The following CPVL variants were observed in gnomAD, a reference collection of about 807,000 sequenced individuals.
The protein encoded by CPVL is probable serine carboxypeptidase CPVL.
A neutral mutation model predicts 63.7 loss-of-function variants in CPVL; 51 were observed. The observed-to-expected ratio is 0.80, with a 90% confidence interval of 0.64 to 1.01. The LOEUF is 1.01. Among genes scored for constraint, CPVL ranks in the 50% least tolerant of loss-of-function variants. CPVL has a pLI of 0.00. For missense variants in CPVL, 530 were observed against 573.1 expected, an observed-to-expected ratio of 0.92 and a Z score of 0.77; for synonymous variants, 195 against 206.0, an observed-to-expected ratio of 0.95 and a Z score of 0.46.
chr7:29,176,043 A>G (rs1365336492), intron 5 of CPVL, among the ~76,000 whole-genome samples: 3 of 152,000 alleles, frequency 2.0e-5, no homozygotes, highest in Admixed American at 6.6e-5. Context: ...AAAATTAGCC[A>G]GGCGTGGTGG....
rs774039534 is a variant in CPVL at position 29,117,851 on chromosome 7, G to A, written c.169+3042C>T. On this transcript the variant is annotated intron_variant, in intron 2 of 12. Transcript: ENST00000265394. ...ATACATATTTATACATACCTATTATGTATAGGTACTATGCTAGGTACTAGG... is the reference window on the plus strand; with the variant it reads ...ATACATATTTATACATACCTATTATATATAGGTACTATGCTAGGTACTAGG... 5.2e-4 allele frequency among the ~76,000 whole-genome samples: 79 copies of A among 152,176 alleles called. 1 individual carries two copies. Among genetic ancestry groups the A allele is most frequent in the Non-Finnish European group, 6.6e-4 (45 of 68,034 alleles).
chr7:29,150,449 C>T (rs932087267), upstream of CPVL, among the ~76,000 whole-genome samples: 2 of 152,126 alleles, frequency 1.3e-5, no homozygotes, highest in Non-Finnish European at 2.9e-5. Context: ...CTATCCAAGA[C>T]AACTAAATTG....
intron 1 of CPVL, chr7:29,193,679 A>G (rs1257908426): frequency 6.6e-6 from 1 of 152,238 alleles, no homozygotes; most frequent in African/African-American, 2.4e-5. Flanking sequence ...TACAGGGGGA[A>G]GGGACACACC....
chr7:29,124,024 A>G (rs2128646018), intron 1 of CPVL, among the ~76,000 whole-genome samples: 2 of 152,254 alleles, frequency 1.3e-5, no homozygotes, highest in South Asian at 4.1e-4. Context: ...GAATTAAAGC[A>G]CCGACATACT....
At chr7:29,131,030 G>C (rs752742447) in intron 1 of CPVL, among the ~76,000 whole-genome samples, 1 of 152,114 alleles carries the variant, frequency 6.6e-6, no homozygotes, top group Non-Finnish European at 1.5e-5. Flanking sequence ...ATTTTTGTTA[G>C]TTTTGCTCAA....
rs551998069 is a variant in CPVL at position 29,095,235 on chromosome 7, C to A, written c.404-93G>T. 7.4e-5 allele frequency: 74 copies of A among 1,004,600 alleles called. No individual in the cohort carries two copies. The African/African-American group carries it at 9.0e-4, about 12-fold the overall frequency. The allele number at this position is 1,004,600 out of a possible 1,614,324, so 62.2% of individuals were successfully genotyped here. On this transcript the variant is annotated intron_variant, in intron 4 of 12. Coordinates refer to ENST00000265394, the MANE Select transcript of CPVL (RefSeq NM_031311.5). Reference sequence around the variant, plus strand: ...TCAGAAGCCCAACACACCCCACGGTCCTCATGAGCTGTTGGCGTACCCTCT... The same window carrying A: ...TCAGAAGCCCAACACACCCCACGGTACTCATGAGCTGTTGGCGTACCCTCT...
At chr7:29,109,311 G>C (rs1788025421) in intron 3 of CPVL, among the ~76,000 whole-genome samples, 1 of 152,142 alleles carries the variant, frequency 6.6e-6, no homozygotes, top group East Asian at 1.9e-4. Flanking sequence ...ACTAATTTAA[G>C]AAACAGCATC....
At chr7:29,139,539 C>T (rs1399481547) in intron 1 of CPVL, among the ~76,000 whole-genome samples, 5 of 139,800 alleles carry the variant, frequency 3.6e-5, no homozygotes, top group Non-Finnish European at 6.2e-5. Context: ...CTTGGGGGGG[C>T]AGGGGGGCTA....
At chr7:29,118,298 C>A (rs889073722) in intron 2 of CPVL, among the ~76,000 whole-genome samples, 8 of 152,184 alleles carry the variant, frequency 5.3e-5, no homozygotes, top group African/African-American at 1.9e-4. Flanking sequence ...CTTTTCATCC[C>A]TACATTAAAT....
chr7:29,173,401 A>G (rs964774580), intron 5 of CPVL, among the ~76,000 whole-genome samples: 1 of 152,086 alleles, frequency 6.6e-6, no homozygotes, highest in Non-Finnish European at 1.5e-5. Flanking sequence ...TTAATAATAC[A>G]TGAGGATTTC....
upstream of CPVL, chr7:29,147,114 C>T: frequency 1.9e-6 from 2 of 1,042,150 alleles, no homozygotes; most frequent in Non-Finnish European, 2.7e-6. Context: ...TCCAGGGTCA[C>T]ATTGCTTGTA....
intron 5 of CPVL, among the ~76,000 whole-genome samples, chr7:29,171,221 C>G (rs1159965212): frequency 6.6e-6 from 1 of 152,168 alleles, no homozygotes; most frequent in Non-Finnish European, 1.5e-5. Flanking sequence ...ACAGCGCAGA[C>G]ATCACCTAAT....
intron 12 of CPVL, among the ~76,000 whole-genome samples, chr7:29,008,473 A>G (rs534587214): frequency 6.6e-6 from 1 of 152,296 alleles, no homozygotes; most frequent in South Asian, 2.1e-4. Flanking sequence ...AACGACAACA[A>G]TTTAAAACAG....
chr7:29,175,978 A>C (rs1427770014), intron 5 of CPVL, among the ~76,000 whole-genome samples: 2 of 152,118 alleles, frequency 1.3e-5, no homozygotes, highest in Non-Finnish European at 2.9e-5. Context: ...CAAGGTCAGG[A>C]GATCAAGACC....
intron 7 of CPVL, among the ~76,000 whole-genome samples, chr7:29,078,990 TA>T (rs1473966627): frequency 2.0e-4 from 30 of 152,214 alleles, no homozygotes; most frequent in African/African-American, 7.2e-4. Context: ...TGCTATCTAA[TA>T]AAATTCAGCA....
chr7:29,162,506 A>T (rs1175164107), intron 5 of CPVL, among the ~76,000 whole-genome samples: 1 of 152,116 alleles, frequency 6.6e-6, no homozygotes, highest in Admixed American at 6.5e-5. Context: ...TACTAAAAAT[A>T]CAAAATTAGC....
intron 1 of CPVL, among the ~76,000 whole-genome samples, chr7:29,138,673 T>C (rs1791516657): frequency 6.6e-6 from 1 of 152,046 alleles, no homozygotes; most frequent in Non-Finnish European, 1.5e-5. Context: ...ACATTAACAA[T>C]GTTTCTATAT....
chr7:29,195,063 T>C, intron 1 of CPVL: 1 of 1,483,328 alleles, frequency 6.7e-7, no homozygotes, highest in Non-Finnish European at 9.1e-7. Flanking sequence ...CAGCCTGGGA[T>C]GGACAGAGCC....
chr7:29,087,982 T>C (rs966767230), intron 6 of CPVL, among the ~76,000 whole-genome samples: 10 of 152,206 alleles, frequency 6.6e-5, no homozygotes, highest in Non-Finnish European at 1.3e-4. Context: ...AAAATAGGCA[T>C]TCATTCTCCA....
Sources: gnomAD v4.1 joint callset for allele counts (sites outside exome capture counted in the v4.1 genomes callset) on GRCh38, gnomAD v4.1.1 for gene constraint, MANE v1.5 for transcripts, NCBI Gene and HGNC (gene_info 2026-07-23, HGNC 2026-07-21) for gene names.